Variants in ZNF804B observed in about 807,000 individuals in gnomAD.
ZNF804B encodes the protein zinc finger 804B.
ZNF804B carries 80 observed loss-of-function variants against 101.4 expected under a neutral mutation model. The observed-to-expected ratio is 0.79, with a 90% CI of 0.66 to 0.95. ZNF804B has a LOEUF of 0.95. Among genes scored for constraint, ZNF804B ranks in the 40% least tolerant of loss-of-function variants. The pLI is 0.00. For synonymous variants in ZNF804B, 622 were observed against 558.8 expected, an observed-to-expected ratio of 1.11 and a Z score of -1.59; for missense variants, 1,673 against 1,561.9, an observed-to-expected ratio of 1.07 and a Z score of -1.20.
intron 1 of ZNF804B, among the ~76,000 whole-genome samples, chr7:88,871,740 G>C (rs1791825831): frequency 6.6e-6 from 1 of 152,120 alleles, no homozygotes; most frequent in South Asian, 2.1e-4. Flanking sequence ...AAGGCTGGCA[G>C]ATCACCTGAG....
chr7:89,187,653 A>G (rs549418743), intron 1 of ZNF804B, among the ~76,000 whole-genome samples: 3 of 152,290 alleles, frequency 2.0e-5, no homozygotes, highest in Admixed American at 2.0e-4. Context: ...CATTTTTTCT[A>G]CTGAGTAAAT....
intron 3 of ZNF804B, among the ~76,000 whole-genome samples, chr7:89,330,985 T>A (rs1361083942): frequency 6.6e-6 from 1 of 150,768 alleles, no homozygotes; most frequent in African/African-American, 2.4e-5. Context: ...GCAAAATTAT[T>A]ATTAAGAAAA....
chr7:89,181,820 G>T (rs969602476), intron 1 of ZNF804B, among the ~76,000 whole-genome samples: 2 of 152,146 alleles, frequency 1.3e-5, no homozygotes, highest in Non-Finnish European at 2.9e-5. Context: ...ATAAGGATGT[G>T]TTTACTTCAT....
intron 1 of ZNF804B, among the ~76,000 whole-genome samples, chr7:88,778,094 G>A (rs1172529043): frequency 6.6e-6 from 1 of 151,984 alleles, no homozygotes; most frequent in African/African-American, 2.4e-5. Flanking sequence ...AGTGTCACTA[G>A]GCTATAATCA....
chr7:89,029,537 G>C (rs986685423), intron 1 of ZNF804B, among the ~76,000 whole-genome samples: 56 of 152,136 alleles, frequency 3.7e-4, no homozygotes, highest in African/African-American at 1.2e-3. Flanking sequence ...TAATTTTCTT[G>C]AGCCTCAAGT....
intron 1 of ZNF804B, among the ~76,000 whole-genome samples, chr7:89,011,249 T>A (rs1788457536): frequency 6.6e-6 from 1 of 152,090 alleles, no homozygotes; most frequent in Non-Finnish European, 1.5e-5. Flanking sequence ...ATGATCCAAT[T>A]ACCTCCACCT....
chr7:89,088,672 T>C (rs146133859), intron 1 of ZNF804B, among the ~76,000 whole-genome samples: 9 of 144,824 alleles, frequency 6.2e-5, no homozygotes, highest in African/African-American at 2.4e-4. Context: ...CTGATGTTGC[T>C]CTTGTTTGGG....
intron 1 of ZNF804B, among the ~76,000 whole-genome samples, chr7:89,151,113 C>T (rs139375799): frequency 2.7e-3 from 415 of 151,998 alleles, no homozygotes; most frequent in Non-Finnish European, 4.4e-3. Context: ...GGAAATCAAA[C>T]GGTTAGATTA....
chr7:89,326,280 T>G (rs1389260526), intron 2 of ZNF804B, among the ~76,000 whole-genome samples: 5 of 152,028 alleles, frequency 3.3e-5, no homozygotes, highest in African/African-American at 1.2e-4. Context: ...TCTGCCTTCT[T>G]CTTCAAATCC....
intron 2 of ZNF804B, among the ~76,000 whole-genome samples, chr7:89,255,215 C>G (rs1403956519): frequency 6.6e-6 from 1 of 152,060 alleles, no homozygotes; most frequent in East Asian, 1.9e-4. Context: ...CTTACAAAAC[C>G]CTCAGATTTC....
At chr7:88,878,005 A>G (rs1485138506) in intron 1 of ZNF804B, among the ~76,000 whole-genome samples, 1 of 152,184 alleles carries the variant, frequency 6.6e-6, no homozygotes, top group Non-Finnish European at 1.5e-5. Flanking sequence ...TACTATTGTA[A>G]AAAAGATGCG....
intron 2 of ZNF804B, among the ~76,000 whole-genome samples, chr7:89,237,735 T>G (rs1789307172): frequency 6.6e-6 from 1 of 152,130 alleles, no homozygotes; most frequent in Non-Finnish European, 1.5e-5. Flanking sequence ...TCATGAAGTT[T>G]TATAACTATT....
intron 1 of ZNF804B, among the ~76,000 whole-genome samples, chr7:89,201,981 A>G (rs945657537): frequency 1.3e-5 from 2 of 152,160 alleles, no homozygotes; most frequent in East Asian, 1.9e-4. Context: ...TTAAATGCCT[A>G]ACATACGATT....
chr7:88,944,037 A>G (rs1793092394), intron 1 of ZNF804B, among the ~76,000 whole-genome samples: 1 of 151,912 alleles, frequency 6.6e-6, no homozygotes, highest in Non-Finnish European at 1.5e-5. Flanking sequence ...GTTTGTGATC[A>G]TTATGCATAA....
intron 1 of ZNF804B, among the ~76,000 whole-genome samples, chr7:88,848,621 CTT>C (rs35391874): frequency 3.7e-4 from 41 of 111,038 alleles, no homozygotes; most frequent in African/African-American, 4.7e-4. Flanking sequence ...AATGCATTTT[CTT>C]TTTTTTTTTT....
At chr7:89,285,619 A>T (rs1013457530) in intron 2 of ZNF804B, among the ~76,000 whole-genome samples, 3 of 151,468 alleles carry the variant, frequency 2.0e-5, no homozygotes, top group Admixed American at 6.6e-5. Context: ...CTGCCTGAAC[A>T]GATTTTTAAT....
chr7:89,013,266 C>T (rs945602656), intron 1 of ZNF804B, among the ~76,000 whole-genome samples: 4 of 152,122 alleles, frequency 2.6e-5, no homozygotes, highest in African/African-American at 7.2e-5. Context: ...AGCCATGCTC[C>T]TGCGAGCAGT....
chr7:88,957,038 A>G (rs1793320610), intron 1 of ZNF804B, among the ~76,000 whole-genome samples: 1 of 151,464 alleles, frequency 6.6e-6, no homozygotes, highest in Non-Finnish European at 1.5e-5. Context: ...ATACACTTTG[A>G]ATTGCAACTG....
chr7:89,078,762 TAAG>T (rs1789649125), intron 1 of ZNF804B, among the ~76,000 whole-genome samples: 1 of 151,986 alleles, frequency 6.6e-6, no homozygotes, highest in Non-Finnish European at 1.5e-5. Flanking sequence ...AATAACAATT[TAAG>T]AAGAAGGAAT....
Sources: gnomAD v4.1 joint callset for allele counts (sites outside exome capture counted in the v4.1 genomes callset) on GRCh38, gnomAD v4.1.1 for gene constraint, MANE v1.5 for transcripts, NCBI Gene and HGNC (gene_info 2026-07-23, HGNC 2026-07-21) for gene names.